The following CRYBG1 variants were observed in gnomAD, a reference collection of about 807,000 sequenced individuals.
CRYBG1 encodes the protein crystallin beta-gamma domain containing 1, also known as beta/gamma crystallin domain-containing protein 1.
CRYBG1 carries 139 observed loss-of-function variants against 189.2 expected under a neutral mutation model. That is an observed-to-expected ratio of 0.73 (90% CI 0.64 to 0.85). CRYBG1 has a LOEUF of 0.85. Ranked by LOEUF, CRYBG1 falls within the 40% of genes least tolerant of loss-of-function variation. CRYBG1 has a pLI of 0.00. For missense variants in CRYBG1, 2,611 were observed against 2,675.8 expected (o/e 0.98, Z 0.53); for synonymous variants, 1,023 against 1,017.1 (o/e 1.01, Z -0.11).
intron 1 of CRYBG1, among the ~76,000 whole-genome samples, chr6:106,372,096 A>G (rs1268610917): frequency 6.6e-6 from 1 of 152,226 alleles, no homozygotes; most frequent in Non-Finnish European, 1.5e-5. Context: ...GTGTATAAGC[A>G]TACATTGGCT....
intron 16 of CRYBG1, among the ~76,000 whole-genome samples, chr6:106,554,536 C>T (rs985095729): frequency 2.0e-5 from 3 of 151,992 alleles, no homozygotes; most frequent in African/African-American, 7.3e-5. Context: ...TGCGTGAACC[C>T]AGGAGGCAGA....
At chr6:106,461,743 T>G (rs1156553628) in intron 2 of CRYBG1, among the ~76,000 whole-genome samples, 7 of 152,046 alleles carry the variant, frequency 4.6e-5, no homozygotes, top group Non-Finnish European at 1.0e-4. Flanking sequence ...AACTTCCTGT[T>G]CTCTCTCGGG....
At chr6:106,369,012 G>A (rs1769960705) in intron 1 of CRYBG1, among the ~76,000 whole-genome samples, 1 of 152,138 alleles carries the variant, frequency 6.6e-6, no homozygotes, top group South Asian at 2.1e-4. Flanking sequence ...CCTTTACAGA[G>A]CTTGAAGTAA....
At chr6:106,378,476 G>T (rs1049297118) in intron 1 of CRYBG1, among the ~76,000 whole-genome samples, 1 of 152,166 alleles carries the variant, frequency 6.6e-6, no homozygotes, top group African/African-American at 2.4e-5. Flanking sequence ...AGTGCCTGTG[G>T]GGATTGCTGT....
At chr6:106,393,281 G>T (rs1392197362) in intron 1 of CRYBG1, among the ~76,000 whole-genome samples, 1 of 152,192 alleles carries the variant, frequency 6.6e-6, no homozygotes, top group Non-Finnish European at 1.5e-5. Context: ...ATGATGCACA[G>T]GGGGTCCAGG....
intron 1 of CRYBG1, among the ~76,000 whole-genome samples, chr6:106,394,387 A>T (rs1173821452): frequency 6.6e-6 from 1 of 152,180 alleles, no homozygotes; most frequent in African/African-American, 2.4e-5. Context: ...TTTCTGCGTC[A>T]TGTTCATTTC....
chr6:106,490,374 A>C (rs758520287), intron 2 of CRYBG1, among the ~76,000 whole-genome samples: 2 of 152,232 alleles, frequency 1.3e-5, no homozygotes, highest in Admixed American at 6.5e-5. Context: ...GCAGTTCACC[A>C]GGTAGGCTAT....
intron 1 of CRYBG1, among the ~76,000 whole-genome samples, chr6:106,411,255 T>A (rs2114371944): frequency 6.6e-6 from 1 of 152,312 alleles, no homozygotes; most frequent in East Asian, 1.9e-4. Flanking sequence ...GGGGCCATAA[T>A]AAAATGTTAG....
In CRYBG1 at chr6:106,570,832, A is replaced by G. The variant is rs1775037574; in HGVS notation, c.*2266A>G. On this transcript the variant is annotated 3_prime_UTR_variant, in exon 22 of 22. Coordinates refer to ENST00000633556, the MANE Select transcript of CRYBG1 (RefSeq NM_001371242.2). ...AGAGAAAAGCCTACATCTAACATAC[A>G]TGCTACCAAACGAGTGTCTAACAGG... The G allele has an allele frequency of 6.6e-6, 1 of 152,184 alleles. No homozygotes were observed. Among genetic ancestry groups the G allele is most frequent in the Admixed American group, 6.5e-5 (1 of 15,276 alleles). 9.4% of individuals were successfully genotyped at this position (152,184 alleles called of 1,614,324 possible).
intron 20 of CRYBG1, among the ~76,000 whole-genome samples, chr6:106,562,297 A>C (rs1774743038): frequency 1.3e-5 from 2 of 152,180 alleles, no homozygotes; most frequent in African/African-American, 2.4e-5. Context: ...GGAGGAACAG[A>C]AGTAGTTGTA....
intron 3 of CRYBG1, 121 bp from the exon 4 acceptor site, chr6:106,519,002 CACACACCA>C (rs1450260097): frequency 1.2e-5 from 12 of 981,792 alleles, no homozygotes; most frequent in African/African-American, 1.2e-4. Flanking sequence ...TACACACACA[CACACACCA>C]CACTCCAAAT....
chr6:106,449,231 A>C (rs1771729985), intron 1 of CRYBG1: 1 of 152,198 alleles, frequency 6.6e-6, no homozygotes, highest in South Asian at 2.1e-4. Flanking sequence ...GACAATACAA[A>C]GCTTAGGAAG....
intron 16 of CRYBG1, among the ~76,000 whole-genome samples, chr6:106,554,830 T>C (rs1774495651): frequency 6.6e-6 from 1 of 151,964 alleles, no homozygotes; most frequent in East Asian, 1.9e-4. Flanking sequence ...AATAGAAAAG[T>C]ACCTGACACA....
intron 3 of CRYBG1, among the ~76,000 whole-genome samples, 156 bp from the exon 4 acceptor site, chr6:106,518,975 G>GCGCACACACACACACA (rs1554188403): frequency 7.4e-6 from 1 of 134,288 alleles, no homozygotes; most frequent in African/African-American, 2.7e-5. Context: ...ACATGTGTGC[G>GCGCACACACACACACA]CACACACACA....
At chr6:106,416,748 A>G (rs1771026524) in intron 1 of CRYBG1, among the ~76,000 whole-genome samples, 1 of 152,228 alleles carries the variant, frequency 6.6e-6, no homozygotes, top group Admixed American at 6.5e-5. Flanking sequence ...TGTAGTATTC[A>G]TTATACACAT....
At chr6:106,501,519 T>C (rs710095) in intron 2 of CRYBG1, among the ~76,000 whole-genome samples, 103,373 of 152,120 alleles carry the variant, frequency 0.68, 35,751 homozygotes, top group African/African-American at 0.81. Context: ...ACTTACTTAG[T>C]TTCTATAATT....
intron 4 of CRYBG1, among the ~76,000 whole-genome samples, chr6:106,523,834 C>T (rs946668700): frequency 5.9e-5 from 9 of 151,530 alleles, no homozygotes; most frequent in Admixed American, 1.3e-4. Context: ...CAGGTTCAAG[C>T]GATTTTCATG....
In CRYBG1 at chr6:106,395,364, T is replaced by TTA. The variant is rs1205915344; in HGVS notation, c.173+34287_173+34288dup. Among the ~76,000 whole-genome samples, 13 of 152,104 alleles carry TTA rather than the reference T, an allele frequency of 8.5e-5. No individual in the cohort carries two copies. In the South Asian group the frequency reaches 2.7e-3, roughly 31 times the overall value. The stretch of plus-strand genomic sequence containing the variant: ...ATTTTATTAATTTCTGATCTTATCT[T>TTA]TATATTTGCTTCCTCCTCATTTGTT... On this transcript the variant is annotated intron_variant, in intron 1 of 21. Transcript: ENST00000633556.
chr6:106,521,069 G>C lies in CRYBG1; in HGVS notation c.3861G>C (p.Thr1287=), dbSNP rs765900077. The change falls in exon 4 of 22, where the codon ACG becomes ACC. Residue 1287 remains threonine, a synonymous_variant. Coordinates refer to ENST00000633556, the MANE Select transcript of CRYBG1 (RefSeq NM_001371242.2). The part of the protein sequence containing the change: ...SLSQSSVSQP[T]TEGAPPCGLN... ...CTCAGTCTTCAGTGTCACAGCCCAC[G>C]ACTGAGGGTGCCCCGCCCTGTGGTT... is the stretch of plus-strand genomic sequence containing the variant. 7 of 1,613,958 alleles carry C rather than the reference G, an allele frequency of 4.3e-6. No homozygotes were observed. In the South Asian group the frequency reaches 7.7e-5, roughly 18 times the overall value.
Sources: allele counts gnomAD v4.1 joint callset (sites outside exome capture counted in the v4.1 genomes callset), GRCh38; gene constraint gnomAD v4.1.1; transcripts MANE v1.5; gene names NCBI Gene and HGNC (gene_info 2026-07-23, HGNC 2026-07-21).